Variants in TMEM178B observed in about 807,000 individuals in gnomAD.
The protein encoded by TMEM178B is transmembrane protein 178B.
TMEM178B carries 5 observed loss-of-function variants against 31.0 expected under a neutral mutation model. The observed-to-expected ratio is 0.16, with a 90% CI of 0.08 to 0.34. The LOEUF (loss-of-function observed/expected upper bound fraction) is 0.34. Among genes scored for constraint, TMEM178B ranks in the 10% least tolerant of loss-of-function variants. The pLI is 1.00. For synonymous variants in TMEM178B, 164 were observed against 164.0 expected, an observed-to-expected ratio of 1.00 and a Z score of 0.00; for missense variants, 275 against 400.3, an observed-to-expected ratio of 0.69 and a Z score of 2.67.
At chr7:141,252,973 T>C (rs1797859870) in intron 2 of TMEM178B, among the ~76,000 whole-genome samples, 1 of 152,194 alleles carries the variant, frequency 6.6e-6, no homozygotes, top group Non-Finnish European at 1.5e-5. Context: ...GGTTTGGCCA[T>C]TGGGAGGCAC....
rs117870530 is a variant in TMEM178B, at chr7:141,137,828, T to G, written c.382+63136T>G. On this transcript the variant is annotated intron_variant, in intron 1 of 3. Transcript: ENST00000565468. ...TTGTGTATCAATGAAAACAATCGTTTGAAGGATATGAAAATAGAGAAAATA... is the reference window on the plus strand; with the variant it reads ...TTGTGTATCAATGAAAACAATCGTTGGAAGGATATGAAAATAGAGAAAATA... Among the ~76,000 whole-genome samples, 96 of 152,262 alleles carry G rather than the reference T, an allele frequency of 6.3e-4. No homozygotes were observed. In the East Asian group the frequency reaches 7.5e-3, roughly 12 times the overall value.
chr7:141,469,268 T>G (rs190329712), intron 3 of TMEM178B, among the ~76,000 whole-genome samples: 1 of 152,358 alleles, frequency 6.6e-6, no homozygotes, highest in East Asian at 1.9e-4. Context: ...AAATAATTCA[T>G]TTTTAACCAG....
Position 141,212,470 on chromosome 7 carries a change from G to A in TMEM178B, c.383-121G>A, listed in dbSNP as rs190776660. The stretch of plus-strand genomic sequence containing the variant: ...GAGTTGAAGGTATTGTCTTTCTGTA[G>A]TTGTCACCAGGCCCAATATGAAAGA... On this transcript the variant is annotated intron_variant, in intron 1 of 3. Transcript: ENST00000565468. The A allele has an allele frequency of 2.1e-4, 154 of 742,272 alleles. No homozygotes were observed. In the East Asian group the frequency reaches 4.0e-3, roughly 19 times the overall value. 46.0% of individuals were successfully genotyped at this position (742,272 alleles called of 1,614,324 possible). A position where few individuals can be genotyped will look rare whatever the true frequency, so the allele number is the denominator to read the frequency against.
chr7:141,444,484 G>A (rs1449577975), intron 3 of TMEM178B, among the ~76,000 whole-genome samples: 2 of 152,004 alleles, frequency 1.3e-5, no homozygotes, highest in East Asian at 3.8e-4. Context: ...AAGATTTCTT[G>A]TCCTCTTGTT....
chr7:141,428,669 A>C (rs141521805), intron 2 of TMEM178B, among the ~76,000 whole-genome samples: 2 of 152,312 alleles, frequency 1.3e-5, no homozygotes, highest in East Asian at 3.9e-4. Flanking sequence ...GGAAAAATCA[A>C]GGGGAGAGAA....
intron 2 of TMEM178B, among the ~76,000 whole-genome samples, chr7:141,337,920 C>T (rs1332885713): frequency 2.0e-5 from 3 of 152,134 alleles, no homozygotes; most frequent in Non-Finnish European, 2.9e-5. Context: ...TCACTGCAAG[C>T]TCTGCCTCCC....
chr7:141,215,316 T>TTTATTATTATTA (rs1021886023), intron 2 of TMEM178B, among the ~76,000 whole-genome samples: 8 of 144,170 alleles, frequency 5.5e-5, no homozygotes, highest in Admixed American at 7.1e-5. Flanking sequence ...GGTTATCATC[T>TTTATTATTATTA]TTATTATTAT....
chr7:141,205,886 C>A (rs1464673557), intron 1 of TMEM178B, among the ~76,000 whole-genome samples: 1 of 152,226 alleles, frequency 6.6e-6, no homozygotes, highest in Non-Finnish European at 1.5e-5. Flanking sequence ...AGTGTCACTG[C>A]ACGCAGTTTC....
At chr7:141,496,914 G>C in the TMEM178B span, among the ~76,000 whole-genome samples, 2 of 152,242 alleles carry the variant, frequency 1.3e-5, no homozygotes, top group Admixed American at 1.3e-4. Flanking sequence ...ATGGGGGTAA[G>C]GTGGTAGTGG....
intron 2 of TMEM178B, among the ~76,000 whole-genome samples, chr7:141,370,946 G>C (rs1800104696): frequency 6.6e-6 from 1 of 152,312 alleles, no homozygotes; most frequent in African/African-American, 2.4e-5. Flanking sequence ...ACGGTTACCA[G>C]GTTCAGGGGA....
intron 2 of TMEM178B, among the ~76,000 whole-genome samples, chr7:141,348,568 G>A (rs1403539125): frequency 3.9e-5 from 6 of 152,204 alleles, no homozygotes; most frequent in African/African-American, 1.4e-4. Flanking sequence ...TAGACTGTGA[G>A]GAAAATGTAG....
chr7:141,284,533 G>A (rs529074632), intron 2 of TMEM178B, among the ~76,000 whole-genome samples: 19 of 152,062 alleles, frequency 1.2e-4, no homozygotes, highest in Admixed American at 3.3e-4. Context: ...TTAATTTATC[G>A]TTAGGAAGAC....
At chr7:141,105,911 A>G (rs567909213) in intron 1 of TMEM178B, among the ~76,000 whole-genome samples, 1 of 152,240 alleles carries the variant, frequency 6.6e-6, no homozygotes, top group Non-Finnish European at 1.5e-5. Flanking sequence ...CCTGGGCAAC[A>G]TAGTGAAACC....
Position 141,471,284 on chromosome 7 carries a change from G to A in TMEM178B, c.*498G>A, listed in dbSNP as rs1586982890. The A allele has an allele frequency of 6.6e-6, 1 of 152,122 alleles. No individual in the cohort carries two copies. Among genetic ancestry groups the A allele is most frequent in the African/African-American group, 2.4e-5 (1 of 41,408 alleles). 9.4% of individuals were successfully genotyped at this position (152,122 alleles called of 1,614,324 possible). A position where few individuals can be genotyped will look rare whatever the true frequency, so the allele number is the denominator to read the frequency against. ...TCTTCCTGTTCGGACTTCCTTCCCA[G>A]CCCACCAGCAACACACAAGGAGTGG... On this transcript the variant is annotated 3_prime_UTR_variant, in exon 4 of 4. Coordinates refer to ENST00000565468, the MANE Select transcript of TMEM178B (RefSeq NM_001195278.2). This position sits in a 1 kb window ranked among gnomAD's most constrained non-coding sequence, Gnocchi z 4.1.
At chr7:141,177,599 A>G (rs1343325628) in intron 1 of TMEM178B, among the ~76,000 whole-genome samples, 2 of 152,134 alleles carry the variant, frequency 1.3e-5, no homozygotes, top group Non-Finnish European at 2.9e-5. Context: ...GTAGGTCTCT[A>G]AGAACTTGCT....
intron 2 of TMEM178B, among the ~76,000 whole-genome samples, chr7:141,215,998 T>G (rs1797137741): frequency 6.6e-6 from 1 of 150,754 alleles, no homozygotes; most frequent in Admixed American, 6.6e-5. Flanking sequence ...GCCTGTATAA[T>G]TTTTGTATTT....
At chr7:141,186,589 T>C (rs1796612998) in intron 1 of TMEM178B, among the ~76,000 whole-genome samples, 1 of 152,258 alleles carries the variant, frequency 6.6e-6, no homozygotes, top group South Asian at 2.1e-4. Context: ...TCACTTCAGC[T>C]GCATTCTTTC....
chr7:141,501,472 G>A, the TMEM178B span, among the ~76,000 whole-genome samples: 1 of 152,198 alleles, frequency 6.6e-6, no homozygotes, highest in African/African-American at 2.4e-5. Context: ...TTAATACACT[G>A]TGATGGTCTA....
intron 2 of TMEM178B, among the ~76,000 whole-genome samples, chr7:141,238,037 A>AG (rs894816972): frequency 2.0e-4 from 30 of 151,952 alleles, no homozygotes; most frequent in African/African-American, 7.2e-4. Flanking sequence ...AAAAAAAAAA[A>AG]AAAAGGAAAT....
Sources: allele counts gnomAD v4.1 joint callset (sites outside exome capture counted in the v4.1 genomes callset), GRCh38; gene constraint gnomAD v4.1.1; non-coding constraint Gnocchi (gnomAD v3.1); transcripts MANE v1.5; gene names NCBI Gene and HGNC (gene_info 2026-07-23, HGNC 2026-07-21).